NAV2: variants seen among roughly 807,000 people sequenced by gnomAD.
NAV2 encodes the protein helicase, APC down-regulated 1.
NAV2 carries 54 observed loss-of-function variants against 223.2 expected under a neutral mutation model. That is an observed-to-expected ratio of 0.24 (90% CI 0.19 to 0.30). The LOEUF (loss-of-function observed/expected upper bound fraction) is 0.30. NAV2 is among the 10% of genes least tolerant of loss of function. The pLI, the probability that NAV2 is intolerant of heterozygous loss-of-function variation, is 1.00. For synonymous variants in NAV2, 1,279 were observed against 1,239.3 expected (o/e 1.03, Z -0.67); for missense variants, 2,806 against 3,147.5 (o/e 0.89, Z 2.60).
At chr11:19,404,060 G>T (rs1165554877) in intron 1 of NAV2, among the ~76,000 whole-genome samples, 4 of 152,158 alleles carry the variant, frequency 2.6e-5, no homozygotes, top group Non-Finnish European at 5.9e-5. Flanking sequence ...AGAAGGTCAG[G>T]CAAAGGTGGG....
At chr11:19,435,459 A>T (rs1025957195) in intron 1 of NAV2, among the ~76,000 whole-genome samples, 8 of 152,142 alleles carry the variant, frequency 5.3e-5, no homozygotes, top group African/African-American at 1.9e-4. Flanking sequence ...TACCACATTT[A>T]AAAACTCTAT....
intron 1 of NAV2, among the ~76,000 whole-genome samples, chr11:19,559,997 C>T (rs2045041811): frequency 6.6e-6 from 1 of 152,212 alleles, no homozygotes; most frequent in Admixed American, 6.5e-5. Context: ...CCCTCACGTG[C>T]CTGCTTCGCT....
chr11:19,911,577 G>A (rs10766603), intron 6 of NAV2, among the ~76,000 whole-genome samples: 52,401 of 152,008 alleles, frequency 0.34, 11,301 homozygotes, highest in Non-Finnish European at 0.47. Flanking sequence ...TTGAGAGGAC[G>A]GTGGCCAAAA....
At chr11:19,391,041 G>T (rs1237399537) in intron 1 of NAV2, among the ~76,000 whole-genome samples, 2 of 152,108 alleles carry the variant, frequency 1.3e-5, no homozygotes, top group East Asian at 1.9e-4. Flanking sequence ...TAAATAATTT[G>T]CCCATAGGTA....
At chr11:20,054,010 T>A in intron 17 of NAV2, 70 bp from the exon 18 acceptor site, 2 of 1,454,012 alleles carry the variant, frequency 1.4e-6, no homozygotes, top group Non-Finnish European at 1.9e-6. Context: ...ATATTTACCA[T>A]CAGCTCCACA....
intron 1 of NAV2, among the ~76,000 whole-genome samples, chr11:19,767,225 C>T (rs1010755155): frequency 6.6e-6 from 1 of 152,132 alleles, no homozygotes; most frequent in Admixed American, 6.6e-5. Flanking sequence ...ATTTTATGTC[C>T]TAGATCATGA....
intron 1 of NAV2, among the ~76,000 whole-genome samples, chr11:19,736,632 T>C (rs946535057): frequency 1.3e-5 from 2 of 152,168 alleles, no homozygotes; most frequent in African/African-American, 2.4e-5. Context: ...TTTTGCTCCA[T>C]ATGTGAGAGG....
chr11:19,886,804 A>AGGATG (rs1309039947), intron 5 of NAV2, among the ~76,000 whole-genome samples: 1 of 152,152 alleles, frequency 6.6e-6, no homozygotes, highest in African/African-American at 2.4e-5. Flanking sequence ...CCCTGTCCTG[A>AGGATG]GGCTGGGCTG....
chr11:19,500,741 C>T (rs1300293565), intron 1 of NAV2, among the ~76,000 whole-genome samples: 1 of 152,118 alleles, frequency 6.6e-6, no homozygotes, highest in Non-Finnish European at 1.5e-5. Context: ...CTTTCAGATG[C>T]TTTATCTAAT....
rs145393395 is a variant in NAV2 at position 19,400,058 on chromosome 11, G to A, written c.75+49031G>A. ...AAGAGGTAACAGCAGTTACTATAAA[G>A]AGCAGAGTACATTTGGGAAGCTGTA... On this transcript the variant is annotated intron_variant, in intron 1 of 37. Transcript: ENST00000360655. Among the ~76,000 whole-genome samples, 320 of 152,316 alleles carry A rather than the reference G, an allele frequency of 2.1e-3. 2 individuals carry two copies. The highest frequency in any genetic ancestry group is 7.4e-3 in the African/African-American group (306 of 41,552).
intron 1 of NAV2, among the ~76,000 whole-genome samples, chr11:19,731,761 C>T (rs575756420): frequency 7.9e-5 from 12 of 152,218 alleles, no homozygotes; most frequent in African/African-American, 2.9e-4. Context: ...AAAGTGGGAA[C>T]AATTTTCCTT....
At chr11:20,057,709 A>G (rs2058453437) in intron 19 of NAV2, among the ~76,000 whole-genome samples, 1 of 152,180 alleles carries the variant, frequency 6.6e-6, no homozygotes, top group African/African-American at 2.4e-5. Context: ...TGTCTTCCTG[A>G]GTGAACCACG....
At chr11:19,394,009 C>T (rs186171630) in intron 1 of NAV2, among the ~76,000 whole-genome samples, 167 of 149,072 alleles carry the variant, frequency 1.1e-3, no homozygotes, top group Admixed American at 2.2e-3. Flanking sequence ...AAACCTGGAA[C>T]GTTTTCAGAG....
intron 6 of NAV2, among the ~76,000 whole-genome samples, chr11:19,906,513 A>G (rs754397095): frequency 1.3e-5 from 2 of 152,228 alleles, no homozygotes; most frequent in Non-Finnish European, 2.9e-5. Context: ...GATTGATTTC[A>G]GTTGTCAAGG....
chr11:19,713,595 G>A lies in NAV2; in HGVS notation c.-101G>A. 1.4e-6 allele frequency: 2 copies of A among 1,435,612 alleles called. No homozygotes were observed. The highest frequency in any genetic ancestry group is 9.1e-7 in the Non-Finnish European group (1 of 1,093,688). 88.9% of individuals were successfully genotyped at this position (1,435,612 alleles called of 1,614,324 possible). A position where few individuals can be genotyped will look rare whatever the true frequency, so the allele number is the denominator to read the frequency against. On this transcript the variant is annotated 5_prime_UTR_variant, in exon 1 of 38. Coordinates refer to ENST00000349880, the MANE Select transcript of NAV2 (RefSeq NM_145117.5). The surrounding 1 kb of genome is among the most constrained non-coding windows in gnomAD (Gnocchi z 7.2). Reference sequence around the variant, plus strand: ...GCCGCTGGTGGTGGGCGCCTCGTGGGCTAAGGCCCGGCGCCTGCTCTGCTA... The same window carrying A: ...GCCGCTGGTGGTGGGCGCCTCGTGGACTAAGGCCCGGCGCCTGCTCTGCTA...
rs2059866539 is a variant in NAV2 at position 20,077,980 on chromosome 11, T to C, written c.5068-13T>C. The C allele has an allele frequency of 1.9e-6, 3 of 1,600,932 alleles. No individual in the cohort carries two copies. The highest frequency in any genetic ancestry group is 2.6e-6 in the Non-Finnish European group (3 of 1,168,500). ...TGATTTTAGGCTGACCAATAATTTTTTCTGTTCCCTAGGACTCAGAACTGA... is the reference window on the plus strand; with the variant it reads ...TGATTTTAGGCTGACCAATAATTTTCTCTGTTCCCTAGGACTCAGAACTGA... On this transcript the variant is annotated splice_polypyrimidine_tract_variant and intron_variant, in intron 23 of 37. Transcript: ENST00000349880.
chr11:19,705,793 G>A (rs1190713906), intron 1 of NAV2, among the ~76,000 whole-genome samples: 2 of 152,084 alleles, frequency 1.3e-5, no homozygotes, highest in African/African-American at 4.8e-5. Context: ...GTTTTACTTT[G>A]GCACTTTTGT....
chr11:19,347,636 G>A (rs558334535), upstream of NAV2, among the ~76,000 whole-genome samples: 15 of 152,298 alleles, frequency 9.8e-5, no homozygotes, highest in South Asian at 3.1e-3. Context: ...GTGCAGTTTG[G>A]CCAGGCCTTC....
At chr11:19,923,347 A>G (rs2044443804) in intron 6 of NAV2, among the ~76,000 whole-genome samples, 1 of 152,190 alleles carries the variant, frequency 6.6e-6, no homozygotes, top group African/African-American at 2.4e-5. Context: ...GGATATTCTC[A>G]GTGCAAATAG....
Sources: allele counts gnomAD v4.1 joint callset (sites outside exome capture counted in the v4.1 genomes callset), GRCh38; gene constraint gnomAD v4.1.1; non-coding constraint Gnocchi (gnomAD v3.1); transcripts MANE v1.5; gene names NCBI Gene and HGNC (gene_info 2026-07-23, HGNC 2026-07-21).